Variants in TMEM266 observed in about 807,000 individuals in gnomAD.
TMEM266 encodes the protein Hv1 related protein 1.
Under a neutral mutation model 50.5 loss-of-function variants are expected in TMEM266, and 33 were observed. That is an observed-to-expected ratio of 0.65 (90% CI 0.50 to 0.87). TMEM266 has a LOEUF of 0.87. Ranked by LOEUF, TMEM266 falls within the 40% of genes least tolerant of loss-of-function variation. TMEM266 has a pLI of 0.00. For synonymous variants in TMEM266, 310 were observed against 292.3 expected (o/e 1.06, Z -0.62); for missense variants, 655 against 695.1 (o/e 0.94, Z 0.65).
intron 1 of TMEM266, among the ~76,000 whole-genome samples, chr15:76,085,469 A>G (rs976597771): frequency 2.6e-5 from 4 of 151,302 alleles, no homozygotes; most frequent in Non-Finnish European, 4.4e-5. Context: ...CATGTTGGTC[A>G]GGCTGGTGTT....
chr15:76,082,393 A>G (rs2036708526), intron 1 of TMEM266, among the ~76,000 whole-genome samples: 1 of 152,184 alleles, frequency 6.6e-6, no homozygotes, highest in Admixed American at 6.5e-5. Flanking sequence ...TAACAGTGGT[A>G]GAAGGGAGGG....
chr15:76,061,287 A>T (rs747829620), intron 1 of TMEM266, among the ~76,000 whole-genome samples: 46 of 152,356 alleles, frequency 3.0e-4, no homozygotes, highest in South Asian at 1.4e-3. Flanking sequence ...CATATGTACC[A>T]GGTACTGAGC....
At chr15:76,065,721 C>T (rs1173022860) in intron 1 of TMEM266, among the ~76,000 whole-genome samples, 2 of 151,402 alleles carry the variant, frequency 1.3e-5, no homozygotes, top group African/African-American at 4.9e-5. Flanking sequence ...CCAACAAATG[C>T]TATTTTTTTT....
intron 1 of TMEM266, among the ~76,000 whole-genome samples, chr15:76,110,507 T>C (rs1298354412): frequency 6.6e-6 from 1 of 152,190 alleles, no homozygotes; most frequent in Non-Finnish European, 1.5e-5. Flanking sequence ...AGCCAAAAGA[T>C]TGGACACCCC....
intron 1 of TMEM266, among the ~76,000 whole-genome samples, chr15:76,104,080 G>A (rs111855737): frequency 1.5e-4 from 22 of 149,658 alleles, no homozygotes; most frequent in South Asian, 8.6e-4. Context: ...GGTGGCAGGC[G>A]CCTGTAGTCC....
intron 2 of TMEM266, 101 bp from the exon 3 acceptor site, chr15:76,137,606 C>T: frequency 1.6e-6 from 2 of 1,222,708 alleles, no homozygotes; most frequent in South Asian, 1.3e-5. Flanking sequence ...CCTCAGCCCT[C>T]CACTGGCATA....
chr15:76,190,296 C>A (rs1224659763), intron 8 of TMEM266, among the ~76,000 whole-genome samples: 1 of 152,146 alleles, frequency 6.6e-6, no homozygotes, highest in East Asian at 1.9e-4. Flanking sequence ...AGAAGGATTG[C>A]GTCTTGGGGT....
chr15:76,122,024 G>A lies in TMEM266; in HGVS notation c.-96-12144G>A, dbSNP rs1013479087. 5.3e-5 allele frequency among the ~76,000 whole-genome samples: 8 copies of A among 152,324 alleles called. No homozygotes were observed. The South Asian group carries it at 1.2e-3, about 24-fold the overall frequency. ...AATGAATTGAGAAACAAACCAAAAA[G>A]CCCTTTATTTAGATCATGAGTCTGT... On this transcript the variant is annotated intron_variant, in intron 1 of 10. Transcript: ENST00000388942.
intron 1 of TMEM266, among the ~76,000 whole-genome samples, chr15:76,070,105 G>A (rs574997811): frequency 1.2e-4 from 18 of 152,246 alleles, no homozygotes; most frequent in African/African-American, 3.9e-4. Context: ...TTAAATAGGC[G>A]GATATCTTAT....
At chr15:76,162,142 G>C (rs1056588413) in intron 5 of TMEM266, among the ~76,000 whole-genome samples, 1 of 152,174 alleles carries the variant, frequency 6.6e-6, no homozygotes, top group African/African-American at 2.4e-5. Context: ...TGAGCGGGGA[G>C]AGCAGGGTCT....
intron 1 of TMEM266, among the ~76,000 whole-genome samples, chr15:76,098,522 A>G (rs1266102742): frequency 6.6e-6 from 1 of 152,050 alleles, no homozygotes; most frequent in Non-Finnish European, 1.5e-5. Context: ...GTCGGCCCCT[A>G]CTGGGAGCTG....
At chr15:76,119,190 C>T (rs2037299367) in intron 1 of TMEM266, among the ~76,000 whole-genome samples, 1 of 152,028 alleles carries the variant, frequency 6.6e-6, no homozygotes. Flanking sequence ...AATGACTCTT[C>T]CTAAAATTCT....
chr15:76,070,440 T>C (rs796397079), intron 1 of TMEM266, among the ~76,000 whole-genome samples: 6 of 152,292 alleles, frequency 3.9e-5, no homozygotes, highest in African/African-American at 7.2e-5. Context: ...GCCTCTAGAA[T>C]AGAGGGAGAC....
At chr15:76,154,456 A>G (rs552806998) in intron 3 of TMEM266, among the ~76,000 whole-genome samples, 2 of 152,196 alleles carry the variant, frequency 1.3e-5, no homozygotes, top group East Asian at 3.9e-4. Flanking sequence ...GGGGATGTTC[A>G]TTGATGGCCT....
intron 4 of TMEM266, among the ~76,000 whole-genome samples, chr15:76,158,413 C>G (rs1031649091): frequency 2.6e-5 from 4 of 152,162 alleles, no homozygotes; most frequent in African/African-American, 9.7e-5. Flanking sequence ...CCCATACTGT[C>G]TGCTTTTTAT....
At chr15:76,137,679 T>C in intron 2 of TMEM266, 28 bp from the exon 3 acceptor site, 9 of 1,609,300 alleles carry the variant, frequency 5.6e-6, no homozygotes, top group Non-Finnish European at 7.7e-6. Context: ...AGATAACTCT[T>C]TCCCATTGTT....
chr15:76,174,443 C>T (rs559097494), intron 7 of TMEM266, among the ~76,000 whole-genome samples: 4 of 151,656 alleles, frequency 2.6e-5, no homozygotes, highest in African/African-American at 9.7e-5. Flanking sequence ...CCCAGCTGCT[C>T]GGGAGGCTGA....
intron 8 of TMEM266, among the ~76,000 whole-genome samples, chr15:76,190,993 C>T (rs1191223525): frequency 2.0e-5 from 3 of 152,196 alleles, no homozygotes; most frequent in Non-Finnish European, 4.4e-5. Context: ...AGTGTCAGAC[C>T]TAAACTCCTC....
At chr15:76,203,671 C>A in intron 10 of TMEM266, 70 bp from the exon 11 acceptor site, 1 of 1,471,146 alleles carries the variant, frequency 6.8e-7, no homozygotes, top group Non-Finnish European at 9.4e-7. Flanking sequence ...CCGGCTCAGA[C>A]CTGCTCTCTT....
Sources: gnomAD v4.1 joint callset for allele counts (sites outside exome capture counted in the v4.1 genomes callset) on GRCh38, gnomAD v4.1.1 for gene constraint, MANE v1.5 for transcripts, NCBI Gene and HGNC (gene_info 2026-07-23, HGNC 2026-07-21) for gene names.